The following GLRA1 variants were observed in gnomAD, a reference collection of about 807,000 sequenced individuals.
GLRA1 encodes the protein glycine receptor alpha 1, also known as glycine receptor subunit alpha-1.
Under a neutral mutation model 48.3 loss-of-function variants are expected in GLRA1, and 37 were observed. The ratio of observed to expected loss-of-function variants is 0.77; its 90% CI spans 0.59 to 1.01. The LOEUF (loss-of-function observed/expected upper bound fraction) is 1.01, where lower values mean the gene tolerates loss of function less well. Among genes scored for constraint, GLRA1 ranks in the 50% least tolerant of loss-of-function variants. The pLI is 0.00. For missense variants in GLRA1, 427 were observed against 571.0 expected (o/e 0.75, Z 2.57); for synonymous variants, 196 against 210.7 (o/e 0.93, Z 0.60).
chr5:151,879,232 C>T (rs781770666), intron 3 of GLRA1, among the ~76,000 whole-genome samples: 27 of 152,288 alleles, frequency 1.8e-4, no homozygotes, highest in Non-Finnish European at 2.8e-4. Context: ...TCGCATGGGG[C>T]CTGTAGCCCC....
intron 1 of GLRA1, among the ~76,000 whole-genome samples, chr5:151,893,009 TC>T (rs1490576234): frequency 6.6e-6 from 1 of 152,194 alleles, no homozygotes; most frequent in Non-Finnish European, 1.5e-5. Flanking sequence ...ACTTATGGGA[TC>T]ACTGTCTCAA....
At chr5:151,848,074 G>C (rs1752726092) in intron 7 of GLRA1, among the ~76,000 whole-genome samples, 1 of 152,204 alleles carries the variant, frequency 6.6e-6, no homozygotes, top group African/African-American at 2.4e-5. Context: ...GTCCAGAAAA[G>C]GGTTAACAAA....
At chr5:151,910,886 C>G (rs1397225159) in intron 1 of GLRA1, among the ~76,000 whole-genome samples, 1 of 152,216 alleles carries the variant, frequency 6.6e-6, no homozygotes, top group Non-Finnish European at 1.5e-5. Flanking sequence ...TTGTACCCCC[C>G]ACTAGAAGTT....
chr5:151,871,198 AG>A (rs1753475572), intron 3 of GLRA1, among the ~76,000 whole-genome samples: 2 of 149,236 alleles, frequency 1.3e-5, no homozygotes, highest in Non-Finnish European at 2.9e-5. Flanking sequence ...AGCTTTGTTG[AG>A]TGTGGCACCA....
rs1469865707 is a variant in GLRA1 at position 151,897,466 on chromosome 5, T to C, written c.57-5028A>G. Among the ~76,000 whole-genome samples, 8 of 152,118 alleles carry C rather than the reference T, an allele frequency of 5.3e-5. No homozygotes were observed. The South Asian group carries it at 1.4e-3, about 28-fold the overall frequency. On this transcript the variant is annotated intron_variant, in intron 1 of 8. Transcript: ENST00000274576. ...TTGGAAATGATGCAGTTTTTTTTTT[T>C]CAGAGATTACTAAAATACAATGGGT... is the stretch of plus-strand genomic sequence containing the variant.
At chr5:151,903,394 T>C (rs928957779) in intron 1 of GLRA1, among the ~76,000 whole-genome samples, 1 of 152,172 alleles carries the variant, frequency 6.6e-6, no homozygotes, top group Non-Finnish European at 1.5e-5. Context: ...GGTATTTGCA[T>C]GTAAATACAG....
Position 151,869,205 on chromosome 5 carries a change from C to T in GLRA1, c.253-9197G>A, listed in dbSNP as rs10054255. Among the ~76,000 whole-genome samples, 850 of 151,630 alleles carry T rather than the reference C, an allele frequency of 5.6e-3. 8 individuals carry two copies. The highest frequency in any genetic ancestry group is 0.019 in the African/African-American group (806 of 41,378). ...TGCAACCTCCACCTCCCAGGTTCAA[C>T]GGATTCTCCTGCCCTAGCCCCCTGA... On this transcript the variant is annotated intron_variant, in intron 3 of 8. Transcript: ENST00000274576.
At chr5:151,850,155 T>C in intron 7 of GLRA1, 1 of 1,603,660 alleles carries the variant, frequency 6.2e-7, no homozygotes, top group South Asian at 1.1e-5. Context: ...CCAGGGTCCA[T>C]ATTACTGCAG....
intron 3 of GLRA1, among the ~76,000 whole-genome samples, chr5:151,880,229 T>C (rs1337054411): frequency 6.6e-6 from 1 of 152,214 alleles, no homozygotes; most frequent in Non-Finnish European, 1.5e-5. Context: ...TAGTAAATAA[T>C]CTTTTATATT....
intron 1 of GLRA1, among the ~76,000 whole-genome samples, chr5:151,914,625 C>T (rs909592472): frequency 1.3e-5 from 2 of 152,152 alleles, no homozygotes; most frequent in Admixed American, 1.3e-4. Flanking sequence ...GAAATTCTCC[C>T]CCACATTCCT....
intron 4 of GLRA1, among the ~76,000 whole-genome samples, chr5:151,859,275 A>G (rs572044845): frequency 3.7e-4 from 56 of 152,270 alleles, no homozygotes; most frequent in African/African-American, 1.2e-3. Flanking sequence ...CCCCTAGCCA[A>G]TATCTCAAGG....
chr5:151,827,152 T>C (rs1763295419), intron 8 of GLRA1, among the ~76,000 whole-genome samples: 1 of 149,980 alleles, frequency 6.7e-6, no homozygotes, highest in Admixed American at 6.7e-5. Context: ...CAAGCCATCA[T>C]GCCAGTTGCT....
intron 8 of GLRA1, among the ~76,000 whole-genome samples, chr5:151,826,607 A>C (rs1339674420): frequency 1.3e-5 from 2 of 152,156 alleles, no homozygotes; most frequent in African/African-American, 4.8e-5. Context: ...GGATAGGGTG[A>C]TTGCTGAGGT....
chr5:151,858,897 A>G (rs1051296766), intron 4 of GLRA1, among the ~76,000 whole-genome samples: 1 of 152,200 alleles, frequency 6.6e-6, no homozygotes, highest in Admixed American at 6.5e-5. Flanking sequence ...TTGAGTGCCT[A>G]TTGAATGCCA....
At position 151,822,645 on chromosome 5, in the gene GLRA1, C is replaced by T. The variant is rs1266030529; in HGVS notation, c.*28G>A. 7 of 1,546,670 alleles carry T rather than the reference C, an allele frequency of 4.5e-6. No homozygotes were observed. Among genetic ancestry groups the T allele is most frequent in the Non-Finnish European group, 6.3e-6 (7 of 1,118,950 alleles). ...CTGTGCTATTCCCACGTTCCCCTCT[C>T]CCAGCCTCCCCCAACCTTTCAGACC... On this transcript the variant is annotated 3_prime_UTR_variant, in exon 9 of 9. Coordinates refer to ENST00000274576, the MANE Select transcript of GLRA1 (RefSeq NM_000171.4).
chr5:151,829,736 A>C (rs1763377362), intron 7 of GLRA1, among the ~76,000 whole-genome samples: 1 of 152,242 alleles, frequency 6.6e-6, no homozygotes, highest in South Asian at 2.1e-4. Context: ...TACCTCAAAA[A>C]GAAATGTTAC....
chr5:151,921,805 C>T (rs1327404368), intron 1 of GLRA1, among the ~76,000 whole-genome samples: 1 of 152,184 alleles, frequency 6.6e-6, no homozygotes, highest in African/African-American at 2.4e-5. Flanking sequence ...CAGAATGCCA[C>T]TTACTGAATT....
At chr5:151,824,376 G>T (rs984848145) in intron 8 of GLRA1, among the ~76,000 whole-genome samples, 4 of 151,856 alleles carry the variant, frequency 2.6e-5, no homozygotes, top group African/African-American at 7.3e-5. Context: ...GTCATCTTTT[G>T]CTTAGAACCT....
intron 7 of GLRA1, chr5:151,850,176 G>A (rs1197172894): frequency 8.7e-6 from 14 of 1,603,502 alleles, no homozygotes; most frequent in Non-Finnish European, 1.2e-5. Flanking sequence ...TGTGGGAGCA[G>A]GCAAAGCCCA....
Sources: allele counts gnomAD v4.1 joint callset (sites outside exome capture counted in the v4.1 genomes callset), GRCh38; gene constraint gnomAD v4.1.1; transcripts MANE v1.5; gene names NCBI Gene and HGNC (gene_info 2026-07-23, HGNC 2026-07-21).